The following IGF2BP2 variants were observed in gnomAD, a reference collection of about 807,000 sequenced individuals.
The protein encoded by IGF2BP2 is insulin like growth factor 2 mRNA binding protein 2.
A neutral mutation model predicts 75.8 loss-of-function variants in IGF2BP2; 17 were observed. That is an observed-to-expected ratio of 0.22 (90% confidence interval 0.15 to 0.34). IGF2BP2 has a LOEUF of 0.34. IGF2BP2 is among the 10% of genes least tolerant of loss of function. The probability of loss-of-function intolerance (pLI) is 1.00; values close to 1 mark genes in which losing one functional copy is unlikely to be tolerated. For missense variants in IGF2BP2, 516 were observed against 772.4 expected (o/e 0.67, Z 3.93); for synonymous variants, 288 against 295.6 (o/e 0.97, Z 0.26).
At chr3:185,765,295 AT>A (rs1732893601) in intron 2 of IGF2BP2, among the ~76,000 whole-genome samples, 1 of 152,198 alleles carries the variant, frequency 6.6e-6, no homozygotes, top group Non-Finnish European at 1.5e-5. Flanking sequence ...ACAAAGCAAA[AT>A]TAAATATAGT....
intron 2 of IGF2BP2, among the ~76,000 whole-genome samples, chr3:185,703,328 T>C (rs1241756029): frequency 4.6e-5 from 7 of 152,204 alleles, no homozygotes; most frequent in Admixed American, 4.6e-4. Flanking sequence ...TAACAGAAGG[T>C]TCCAACTGAG....
At chr3:185,672,903 GC>G (rs1025937897) in intron 9 of IGF2BP2, among the ~76,000 whole-genome samples, 2 of 152,086 alleles carry the variant, frequency 1.3e-5, no homozygotes, top group African/African-American at 4.8e-5. Flanking sequence ...GGAAAATGAG[GC>G]TCTTCCTGGG....
intron 5 of IGF2BP2, among the ~76,000 whole-genome samples, chr3:185,691,756 G>A (rs554612142): frequency 1.3e-5 from 2 of 152,122 alleles, no homozygotes; most frequent in South Asian, 2.1e-4. Context: ...GTTTTGAGAG[G>A]CAGGGTCTTG....
At chr3:185,771,992 G>C (rs1733941578) in intron 2 of IGF2BP2, among the ~76,000 whole-genome samples, 1 of 152,122 alleles carries the variant, frequency 6.6e-6, no homozygotes, top group Non-Finnish European at 1.5e-5. Context: ...GCCCCAAACA[G>C]AGCCAGTCAG....
At position 185,656,772 on chromosome 3, in the gene IGF2BP2, A is replaced by G. The variant is rs963313960; in HGVS notation, c.1386+514T>C. Among the ~76,000 whole-genome samples the G allele has an allele frequency of 4.6e-5, 7 of 152,212 alleles. No homozygotes were observed. In the South Asian group the frequency reaches 6.2e-4, roughly 14 times the overall value. ...CCACGTCTGCATTCGCAGCCTTTCCATAAGTCAAGGACCGTCCTTCCTGAG... is the reference window on the plus strand; with the variant it reads ...CCACGTCTGCATTCGCAGCCTTTCCGTAAGTCAAGGACCGTCCTTCCTGAG... On this transcript the variant is annotated intron_variant, in intron 12 of 15. Transcript: ENST00000382199.
intron 9 of IGF2BP2, among the ~76,000 whole-genome samples, chr3:185,673,717 G>C (rs1358138260): frequency 1.3e-5 from 2 of 151,666 alleles, no homozygotes; most frequent in African/African-American, 2.4e-5. Flanking sequence ...CTTTTTTTTA[G>C]AACTTTTGGA....
intron 6 of IGF2BP2, 24 bp from the exon 7 acceptor site, chr3:185,687,215 A>T: frequency 5.0e-6 from 8 of 1,592,728 alleles, no homozygotes; most frequent in Non-Finnish European, 5.1e-6. Flanking sequence ...ATCAGGAGCC[A>T]TGATTACAAG....
intron 2 of IGF2BP2, among the ~76,000 whole-genome samples, chr3:185,788,844 C>G (rs549110271): frequency 1.7e-4 from 26 of 151,538 alleles, no homozygotes; most frequent in Non-Finnish European, 3.2e-4. Context: ...TCCCGAGTAG[C>G]TGGGATTACA....
At chr3:185,810,094 G>A (rs536858988) in intron 2 of IGF2BP2, among the ~76,000 whole-genome samples, 5 of 152,310 alleles carry the variant, frequency 3.3e-5, no homozygotes, top group Admixed American at 2.6e-4. Flanking sequence ...GCTAACCTAA[G>A]TTTTCTAAGA....
chr3:185,824,843 A>G lies in IGF2BP2; in HGVS notation c.118T>C (p.Tyr40His), dbSNP rs776122353. ...LAGQVLLKSG[Y>H]AFVDYPDQNW... ...TGGTCGGGGTAGTCCACGAAGGCGT[A>G]GCCGGACTTCAGCAGGACCTGTCCC... The change falls in exon 1 of 16, where the codon TAC becomes CAC. Residue 40 changes from tyrosine (Y) to histidine (H), a missense_variant. Coordinates refer to ENST00000382199, the MANE Select transcript of IGF2BP2 (RefSeq NM_006548.6). 10 of 1,544,706 alleles carry G rather than the reference A, an allele frequency of 6.5e-6. No homozygotes were observed. The highest frequency in any genetic ancestry group is 1.4e-5 in the African/African-American group (1 of 71,716).
chr3:185,740,735 T>C (rs1729436144), intron 2 of IGF2BP2, among the ~76,000 whole-genome samples: 1 of 152,200 alleles, frequency 6.6e-6, no homozygotes, highest in African/African-American at 2.4e-5. Flanking sequence ...CTAGTAAAGG[T>C]TAGAGCCAGG....
intron 2 of IGF2BP2, among the ~76,000 whole-genome samples, chr3:185,775,342 A>G (rs1734411184): frequency 6.6e-6 from 1 of 152,214 alleles, no homozygotes; most frequent in Admixed American, 6.5e-5. Context: ...AAACATTTCA[A>G]TGAACACTTA....
intron 7 of IGF2BP2, among the ~76,000 whole-genome samples, chr3:185,678,838 T>G (rs943988244): frequency 1.3e-5 from 2 of 152,252 alleles, no homozygotes; most frequent in Non-Finnish European, 2.9e-5. Flanking sequence ...ATAATTGTTG[T>G]ATCTCCTTGG....
In IGF2BP2 at chr3:185,768,407, T is replaced by C. The variant is rs139767244; in HGVS notation, c.239+54746A>G. On this transcript the variant is annotated intron_variant, in intron 2 of 15. Transcript: ENST00000382199. Reference sequence around the variant, plus strand: ...GATGATGAACTACAAACCTTCAGGATAGATTTTTTTCTGTGGGATTCAGTT... The same window carrying C: ...GATGATGAACTACAAACCTTCAGGACAGATTTTTTTCTGTGGGATTCAGTT... Among the ~76,000 whole-genome samples the C allele has an allele frequency of 4.6e-5, 7 of 152,278 alleles. No homozygotes were observed. In the South Asian group the frequency reaches 8.3e-4, roughly 18 times the overall value.
At chr3:185,686,141 T>C (rs1263046320) in intron 7 of IGF2BP2, among the ~76,000 whole-genome samples, 1 of 152,076 alleles carries the variant, frequency 6.6e-6, no homozygotes, top group Non-Finnish European at 1.5e-5. Context: ...CCCAGCACTT[T>C]GGGAGGACGA....
In IGF2BP2 at chr3:185,824,823, G is replaced by A; in HGVS notation, c.138C>T (p.Pro46=). Residue 46 remains proline, a synonymous_variant, in exon 1 of 16, where the codon CCC becomes CCT. Transcript: ENST00000382199. ...TGGCGCGGATGGCCCAGTTCTGGTC[G>A]GGGTAGTCCACGAAGGCGTAGCCGG... is the stretch of plus-strand genomic sequence containing the variant. The part of the protein sequence containing the change: ...LKSGYAFVDY[P]DQNWAIRAIE... 1 of 1,519,980 alleles carries A rather than the reference G, an allele frequency of 6.6e-7. No homozygotes were observed. Among genetic ancestry groups the A allele is most frequent in the Non-Finnish European group, 8.9e-7 (1 of 1,129,486 alleles). The allele number at this position is 1,519,980 out of a possible 1,614,324, so 94.2% of individuals were successfully genotyped here. A position where few individuals can be genotyped will look rare whatever the true frequency, so the allele number is the denominator to read the frequency against.
At chr3:185,661,799 C>T (rs1716493889) in intron 10 of IGF2BP2, among the ~76,000 whole-genome samples, 1 of 152,002 alleles carries the variant, frequency 6.6e-6, no homozygotes, top group African/African-American at 2.4e-5. Context: ...ACTTCAAGTA[C>T]TGTGAAAGAA....
chr3:185,823,343 T>G, intron 1 of IGF2BP2, 130 bp from the exon 2 acceptor site: 1 of 562,332 alleles, frequency 1.8e-6, no homozygotes, highest in Non-Finnish European at 3.0e-6. Flanking sequence ...CCTACCCGGA[T>G]CGAGCTGGGC....
chr3:185,659,801 CT>C (rs35620040), intron 10 of IGF2BP2, among the ~76,000 whole-genome samples: 115 of 144,006 alleles, frequency 8.0e-4, no homozygotes, highest in Admixed American at 1.0e-3. Flanking sequence ...TGATTTGATA[CT>C]TTTTTTTTTT....
Sources: gnomAD v4.1 joint callset for allele counts (sites outside exome capture counted in the v4.1 genomes callset) on GRCh38, gnomAD v4.1.1 for gene constraint, MANE v1.5 for transcripts, NCBI Gene and HGNC (gene_info 2026-07-23, HGNC 2026-07-21) for gene names.